ZNF804B: variants seen among roughly 807,000 people sequenced by gnomAD.
ZNF804B encodes the protein zinc finger protein 804B, also known as zinc finger 804B.
Under a neutral mutation model 101.4 loss-of-function variants are expected in ZNF804B, and 80 were observed. The observed-to-expected ratio is 0.79, with a 90% CI of 0.66 to 0.95. ZNF804B has a LOEUF of 0.95. Among genes scored for constraint, ZNF804B ranks in the 40% least tolerant of loss-of-function variants. The probability of loss-of-function intolerance (pLI) is 0.00; values close to 1 mark genes in which losing one functional copy is unlikely to be tolerated. For missense variants in ZNF804B, 1,673 were observed against 1,561.9 expected (o/e 1.07, Z -1.20); for synonymous variants, 622 against 558.8 (o/e 1.11, Z -1.59).
intron 1 of ZNF804B, among the ~76,000 whole-genome samples, chr7:89,138,297 C>G (rs558425299): frequency 6.6e-6 from 1 of 152,176 alleles, no homozygotes; most frequent in Non-Finnish European, 1.5e-5. Flanking sequence ...GTAGATTCAC[C>G]AACAGCTTGC....
chr7:89,046,461 A>T (rs908229062), intron 1 of ZNF804B, among the ~76,000 whole-genome samples: 1 of 152,138 alleles, frequency 6.6e-6, no homozygotes, highest in Non-Finnish European at 1.5e-5. Flanking sequence ...TATAAACAAA[A>T]AAGTTTGTAA....
At chr7:88,988,633 A>G (rs1793799976) in intron 1 of ZNF804B, among the ~76,000 whole-genome samples, 1 of 152,124 alleles carries the variant, frequency 6.6e-6, no homozygotes, top group South Asian at 2.1e-4. Context: ...TACCACTTCC[A>G]GTACTCTTGA....
intron 2 of ZNF804B, among the ~76,000 whole-genome samples, chr7:89,321,197 G>A (rs1790814022): frequency 6.6e-6 from 1 of 152,018 alleles, no homozygotes; most frequent in Non-Finnish European, 1.5e-5. Flanking sequence ...AATTTATGAT[G>A]CGGCCAGGCA....
intron 2 of ZNF804B, among the ~76,000 whole-genome samples, chr7:89,284,458 T>C (rs1285111056): frequency 6.6e-6 from 1 of 152,218 alleles, no homozygotes; most frequent in Non-Finnish European, 1.5e-5. Flanking sequence ...TTGCTTGACA[T>C]GTACCATAGA....
At chr7:89,060,305 T>C (rs770441452) in intron 1 of ZNF804B, among the ~76,000 whole-genome samples, 11 of 152,312 alleles carry the variant, frequency 7.2e-5, no homozygotes, top group African/African-American at 2.4e-4. Context: ...TCATTTCTTC[T>C]TACTGTATTC....
intron 1 of ZNF804B, among the ~76,000 whole-genome samples, chr7:88,813,962 A>G (rs1271852103): frequency 6.6e-6 from 1 of 152,186 alleles, no homozygotes; most frequent in East Asian, 1.9e-4. Context: ...TGACATGCAT[A>G]GCCAATGCAC....
intron 2 of ZNF804B, among the ~76,000 whole-genome samples, chr7:89,243,767 A>G (rs1487790622): frequency 6.6e-6 from 1 of 150,626 alleles, no homozygotes; most frequent in Non-Finnish European, 1.5e-5. Flanking sequence ...GTTTTTTTTT[A>G]TTAACTTCAA....
chr7:89,281,179 G>A (rs1423833631), intron 2 of ZNF804B, among the ~76,000 whole-genome samples: 1 of 152,128 alleles, frequency 6.6e-6, no homozygotes, highest in Non-Finnish European at 1.5e-5. Flanking sequence ...GATTGCTATA[G>A]ATGATAAGTT....
intron 1 of ZNF804B, among the ~76,000 whole-genome samples, chr7:89,050,618 A>G (rs1224938501): frequency 6.6e-6 from 1 of 152,156 alleles, no homozygotes; most frequent in Non-Finnish European, 1.5e-5. Context: ...AGAGAATACA[A>G]TTCTCATCTT....
chr7:89,006,944 G>A (rs1194635191), intron 1 of ZNF804B, among the ~76,000 whole-genome samples: 1 of 152,146 alleles, frequency 6.6e-6, no homozygotes, highest in Non-Finnish European at 1.5e-5. Flanking sequence ...ATACTGCACT[G>A]GGCAGGTGGC....
intron 1 of ZNF804B, among the ~76,000 whole-genome samples, chr7:88,975,699 A>G (rs1247238695): frequency 6.6e-6 from 1 of 151,496 alleles, no homozygotes. Flanking sequence ...GTAGTTTGCA[A>G]GTTATTCTCC....
intron 1 of ZNF804B, among the ~76,000 whole-genome samples, chr7:89,040,812 A>T (rs1789005551): frequency 6.6e-6 from 1 of 152,108 alleles, no homozygotes. Flanking sequence ...CGTGCAGTTT[A>T]TCTGATGGGG....
chr7:88,965,498 G>A (rs1458269416), intron 1 of ZNF804B, among the ~76,000 whole-genome samples: 1 of 151,422 alleles, frequency 6.6e-6, no homozygotes, highest in Non-Finnish European at 1.5e-5. Context: ...TCAGTGATGA[G>A]GAGCCTTATG....
chr7:89,039,260 A>C, intron 1 of ZNF804B, among the ~76,000 whole-genome samples: 1 of 152,006 alleles, frequency 6.6e-6, no homozygotes. Flanking sequence ...TGCTTTGGGT[A>C]GTGTAAACAT....
At chr7:89,176,480 G>A (rs1791319789) in intron 1 of ZNF804B, among the ~76,000 whole-genome samples, 1 of 150,144 alleles carries the variant, frequency 6.7e-6, no homozygotes, top group African/African-American at 2.4e-5. Context: ...TTAATGTGTT[G>A]TTGAATTTAT....
chr7:89,197,668 C>T lies in ZNF804B; in HGVS notation c.109-20487C>T, dbSNP rs566042851. Among the ~76,000 whole-genome samples the T allele has an allele frequency of 5.1e-4, 78 of 151,876 alleles. 1 individual carries two copies. In the South Asian group the frequency reaches 0.01, roughly 20 times the overall value. On this transcript the variant is annotated intron_variant, in intron 1 of 3. Transcript: ENST00000333190. ...TCTTAGATCTTGATTCAATCTATGTCACTCGGTTACTCATTAGAATTTATA... is the reference window on the plus strand; with the variant it reads ...TCTTAGATCTTGATTCAATCTATGTTACTCGGTTACTCATTAGAATTTATA...
intron 1 of ZNF804B, among the ~76,000 whole-genome samples, chr7:88,891,879 C>T (rs1792220033): frequency 6.6e-6 from 1 of 152,096 alleles, no homozygotes; most frequent in Non-Finnish European, 1.5e-5. Context: ...TATCCCTCCC[C>T]TACCCCACGA....
rs570395286 is a variant in ZNF804B at position 89,078,174 on chromosome 7, A to G, written c.109-139981A>G. Among the ~76,000 whole-genome samples, 30 of 152,210 alleles carry G rather than the reference A, an allele frequency of 2.0e-4. 1 individual carries two copies. In the South Asian group the frequency reaches 6.2e-3, roughly 32 times the overall value. ...TCCTGTCTAAATATTTACCATTATT[A>G]AGGTGAATCTCAGTGTGATGACTAA... On this transcript the variant is annotated intron_variant, in intron 1 of 3. Coordinates refer to ENST00000333190, the MANE Select transcript of ZNF804B (RefSeq NM_181646.5).
Position 88,802,793 on chromosome 7 carries a change from G to T in ZNF804B, c.108+42709G>T, listed in dbSNP as rs75810897. On this transcript the variant is annotated intron_variant, in intron 1 of 3. Transcript: ENST00000333190. ...GTGGCAGAAGAAATTAATGAAGGTG[G>T]AGTATATACTGAATATCAAGTGCAG... Among the ~76,000 whole-genome samples, 843 of 151,654 alleles carry T rather than the reference G, an allele frequency of 5.6e-3. 4 individuals carry two copies. Among genetic ancestry groups the T allele is most frequent in the Non-Finnish European group, 7.4e-3 (504 of 67,906 alleles).
Sources: allele counts gnomAD v4.1 joint callset (sites outside exome capture counted in the v4.1 genomes callset), GRCh38; gene constraint gnomAD v4.1.1; transcripts MANE v1.5; gene names NCBI Gene and HGNC (gene_info 2026-07-23, HGNC 2026-07-21).